DISP1: variants seen among roughly 807,000 people sequenced by gnomAD.
The protein encoded by DISP1 is dispatched RND transporter family member 1, also known as protein dispatched homolog 1.
In DISP1, 30 loss-of-function variants were observed where a neutral mutation model predicts 37.3. The ratio of observed to expected loss-of-function variants is 0.80; its 90% CI spans 0.60 to 1.09. The LOEUF (loss-of-function observed/expected upper bound fraction) is 1.09, where lower values mean the gene tolerates loss of function less well. Among genes scored for constraint, DISP1 ranks in the 50% least tolerant of loss-of-function variants. The pLI, the probability that DISP1 is intolerant of heterozygous loss-of-function variation, is 0.00. For missense variants in DISP1, 1,598 were observed against 1,879.5 expected (o/e 0.85, Z 2.77); for synonymous variants, 634 against 690.2 (o/e 0.92, Z 1.28).
At chr1:222,919,776 C>T (rs1357604015) in intron 1 of DISP1, among the ~76,000 whole-genome samples, 1 of 152,192 alleles carries the variant, frequency 6.6e-6, no homozygotes, top group Non-Finnish European at 1.5e-5. Flanking sequence ...TCTAACCCTA[C>T]TAGCCCTAAT....
intron 1 of DISP1, among the ~76,000 whole-genome samples, chr1:222,910,199 T>TA (rs1021673531): frequency 4.6e-5 from 7 of 151,850 alleles, no homozygotes; most frequent in South Asian, 2.1e-4. Flanking sequence ...CCTGTCTCTA[T>TA]AAAAAAATAC....
chr1:222,943,243 T>G lies in DISP1; in HGVS notation c.420T>G (p.Cys140Trp). Residue 140 changes from cysteine (C) to tryptophan (W), a missense_variant, in exon 3 of 9, where the codon TGT becomes TGG. Physicochemically the swap from Cys to Trp is radical, Grantham distance 215 (BLOSUM62 -2). Transcript: ENST00000675850. Reference sequence around the variant, plus strand: ...CACCTGTGTATCAGACTACGTGCTGTCTTCAGCCCTCTCCATCCTTCTGCC... The same window carrying G: ...CACCTGTGTATCAGACTACGTGCTGGCTTCAGCCCTCTCCATCCTTCTGCC... ...NHSPVYQTTCCLQPSPSFCLH... is the reference protein window; with the variant it reads ...NHSPVYQTTCWLQPSPSFCLH... 1 of 1,613,530 alleles carries G rather than the reference T, an allele frequency of 6.2e-7. No homozygotes were observed. Among genetic ancestry groups the G allele is most frequent in the Non-Finnish European group, 8.5e-7 (1 of 1,179,588 alleles).
chr1:222,887,492 T>TG lies in DISP1; in HGVS notation c.-158-40938_-158-40937insG, dbSNP rs1553323081. On this transcript the variant is annotated intron_variant, in intron 1 of 8. Coordinates refer to ENST00000675850, the MANE Select transcript of DISP1 (RefSeq NM_001377229.1). ...TAAATGTCACATTGTTTTTGTTTTTTTTTTTTTTTTTTTTTTTGAGACGGA... is the reference window on the plus strand; with the variant it reads ...TAAATGTCACATTGTTTTTGTTTTTTGTTTTTTTTTTTTTTTTTGAGACGGA... Among the ~76,000 whole-genome samples the TG allele has an allele frequency of 6.1e-5, 6 of 99,016 alleles. 1 individual carries two copies. Among genetic ancestry groups the TG allele is most frequent in the Non-Finnish European group, 1.1e-4 (5 of 44,740 alleles). The allele number at this position is 99,016 out of a possible 152,430, so 65.0% of individuals were successfully genotyped here.
chr1:222,921,095 A>G (rs1224856990), intron 1 of DISP1, among the ~76,000 whole-genome samples: 1 of 152,192 alleles, frequency 6.6e-6, no homozygotes, highest in Non-Finnish European at 1.5e-5. Context: ...AGATCTCCTG[A>G]GCTCAGGAGT....
At chr1:222,897,385 T>C (rs946371820) in intron 1 of DISP1, among the ~76,000 whole-genome samples, 4 of 152,132 alleles carry the variant, frequency 2.6e-5, no homozygotes, top group African/African-American at 9.7e-5. Flanking sequence ...TGTAACTTCA[T>C]TGAGGTTGTG....
chr1:222,869,233 A>G (rs555252401), intron 1 of DISP1, among the ~76,000 whole-genome samples: 2 of 152,162 alleles, frequency 1.3e-5, no homozygotes, highest in African/African-American at 4.8e-5. Context: ...TTTAGATCAC[A>G]GGTACTAATA....
At chr1:222,846,127 T>C (rs1476424011) in intron 1 of DISP1, among the ~76,000 whole-genome samples, 7 of 152,230 alleles carry the variant, frequency 4.6e-5, no homozygotes, top group Admixed American at 2.0e-4. Flanking sequence ...ATGTTGACTA[T>C]GGATTTTTTT....
Position 222,943,742 on chromosome 1 carries a change from T to G in DISP1, c.509+410T>G, listed in dbSNP as rs1275394166. ...TTATGAAAAAGAAGTAAAAAACCCCTTGCCGGCCAGATGCGGTGGCTCATG... is the reference window on the plus strand; with the variant it reads ...TTATGAAAAAGAAGTAAAAAACCCCGTGCCGGCCAGATGCGGTGGCTCATG... On this transcript the variant is annotated intron_variant, in intron 3 of 8. Coordinates refer to ENST00000675850, the MANE Select transcript of DISP1 (RefSeq NM_001377229.1). Among the ~76,000 whole-genome samples, 5 of 152,120 alleles carry G rather than the reference T, an allele frequency of 3.3e-5. No individual in the cohort carries two copies. The South Asian group carries it at 1.0e-3, about 32-fold the overall frequency.
chr1:222,955,498 T>C (rs1675533692), intron 3 of DISP1, among the ~76,000 whole-genome samples: 1 of 152,246 alleles, frequency 6.6e-6, no homozygotes, highest in African/African-American at 2.4e-5. Flanking sequence ...CTTCCGACTT[T>C]GAATTTTGAT....
chr1:222,849,655 A>G (rs1033925890), intron 1 of DISP1, among the ~76,000 whole-genome samples: 1 of 152,186 alleles, frequency 6.6e-6, no homozygotes, highest in African/African-American at 2.4e-5. Flanking sequence ...ATACTAGTAG[A>G]CTGTTACAGG....
intron 1 of DISP1, among the ~76,000 whole-genome samples, chr1:222,924,009 C>T (rs901741462): frequency 1.3e-5 from 2 of 152,010 alleles, no homozygotes; most frequent in African/African-American, 4.8e-5. Flanking sequence ...TATGGAAGAC[C>T]GGCAAGGCCA....
At chr1:222,836,592 T>C (rs1457635283) in intron 1 of DISP1, among the ~76,000 whole-genome samples, 2 of 152,138 alleles carry the variant, frequency 1.3e-5, no homozygotes, top group Non-Finnish European at 2.9e-5. Flanking sequence ...CTCTGAGTTT[T>C]AGTTGCTTAC....
intron 1 of DISP1, among the ~76,000 whole-genome samples, chr1:222,869,536 C>G (rs1389369427): frequency 1.3e-5 from 2 of 152,040 alleles, no homozygotes; most frequent in Non-Finnish European, 2.9e-5. Flanking sequence ...AGACTTGATT[C>G]AAGCACTGCA....
intron 3 of DISP1, among the ~76,000 whole-genome samples, 192 bp from the exon 4 acceptor site, chr1:222,982,888 G>C (rs886581570): frequency 6.6e-6 from 1 of 151,858 alleles, no homozygotes; most frequent in Non-Finnish European, 1.5e-5. Context: ...GTCTCTACTA[G>C]TATGTAAAGT....
At chr1:222,840,181 C>T (rs1461584376) in intron 1 of DISP1, among the ~76,000 whole-genome samples, 4 of 152,218 alleles carry the variant, frequency 2.6e-5, no homozygotes, top group South Asian at 2.1e-4. Context: ...ATGGTAAAGT[C>T]GAACTATTAT....
chr1:222,914,007 T>G (rs1364103938), intron 1 of DISP1, among the ~76,000 whole-genome samples: 2 of 150,532 alleles, frequency 1.3e-5, no homozygotes, highest in East Asian at 3.9e-4. Context: ...TGGTTGTTTT[T>G]TTTTTTTTTT....
At chr1:222,999,203 T>C (rs1323100798) in intron 8 of DISP1, among the ~76,000 whole-genome samples, 2 of 152,186 alleles carry the variant, frequency 1.3e-5, no homozygotes, top group Non-Finnish European at 2.9e-5. Flanking sequence ...AGAGATGTTA[T>C]AACCACATAA....
chr1:222,833,584 C>T (rs942621889), intron 1 of DISP1, among the ~76,000 whole-genome samples: 2 of 152,146 alleles, frequency 1.3e-5, no homozygotes, highest in African/African-American at 2.4e-5. Context: ...GGTGCTGTGC[C>T]TTGTTCTTTA....
chr1:222,997,976 G>A (rs996004884), intron 8 of DISP1, among the ~76,000 whole-genome samples: 1 of 151,984 alleles, frequency 6.6e-6, no homozygotes, highest in Non-Finnish European at 1.5e-5. Context: ...TATCATTTTA[G>A]CTTGTTAAAT....
Sources: allele counts gnomAD v4.1 joint callset (sites outside exome capture counted in the v4.1 genomes callset), GRCh38; gene constraint gnomAD v4.1.1; transcripts MANE v1.5; gene names NCBI Gene and HGNC (gene_info 2026-07-23, HGNC 2026-07-21).